The following TGFB3 variants were observed in gnomAD, a reference collection of about 807,000 sequenced individuals.
TGFB3 encodes the protein transforming growth factor beta 3.
A neutral mutation model predicts 40.1 loss-of-function variants in TGFB3; 5 were observed. The ratio of observed to expected loss-of-function variants is 0.12; its 90% CI spans 0.07 to 0.26. The LOEUF is 0.26. Ranked by LOEUF, TGFB3 falls within the 10% of genes least tolerant of loss-of-function variation. The pLI is 1.00. For synonymous variants in TGFB3, 184 were observed against 205.6 expected (o/e 0.89, Z 0.90); for missense variants, 373 against 530.1 (o/e 0.70, Z 2.91).
chr14:75,973,674 G>T (rs1425982798), intron 1 of TGFB3, among the ~76,000 whole-genome samples: 1 of 152,230 alleles, frequency 6.6e-6, no homozygotes, highest in Non-Finnish European at 1.5e-5. Flanking sequence ...TTGAGCTCGG[G>T]AGGTCCAGAT....
chr14:75,959,711 C>T (rs1041147439), intron 6 of TGFB3, among the ~76,000 whole-genome samples: 1 of 150,672 alleles, frequency 6.6e-6, no homozygotes, highest in Non-Finnish European at 1.5e-5. Flanking sequence ...GCAGAGGTTG[C>T]AGTAAGCAGA....
Position 75,972,021 on chromosome 14 carries a change from G to C in TGFB3, c.353-303C>G, listed in dbSNP as rs1004264503. ...TCAGTTCTGGTAAGTTTTCCAACCC[G>C]TTTTTCCTACTTTTTGAGAAAATAC... On this transcript the variant is annotated intron_variant, in intron 1 of 6. Transcript: ENST00000238682. Among the ~76,000 whole-genome samples, 3 of 152,164 alleles carry C rather than the reference G, an allele frequency of 2.0e-5. No homozygotes were observed. The South Asian group carries it at 6.2e-4, about 32-fold the overall frequency.
At chr14:75,974,922 CT>C (rs1342626624) in intron 1 of TGFB3, among the ~76,000 whole-genome samples, 7 of 152,106 alleles carry the variant, frequency 4.6e-5, no homozygotes, top group Admixed American at 1.3e-4. Context: ...GAAACCCCAT[CT>C]CTATAAAAAA....
rs117993887 is a variant in TGFB3, at chr14:75,975,660, G to T, written c.353-3942C>A. ...CAAAAAGTTAAATGTCTTTCCCAAGGTCACATAACTAGAAGGTGGTGGAGG... is the reference window on the plus strand; with the variant it reads ...CAAAAAGTTAAATGTCTTTCCCAAGTTCACATAACTAGAAGGTGGTGGAGG... On this transcript the variant is annotated intron_variant, in intron 1 of 6. Transcript: ENST00000238682. 8.8e-3 allele frequency among the ~76,000 whole-genome samples: 1,333 copies of T among 152,264 alleles called. 25 individuals are homozygous for T. The highest frequency in any genetic ancestry group is 9.4e-3 in the Non-Finnish European group (642 of 68,032).
chr14:75,959,056 G>T lies in TGFB3; in HGVS notation c.*131C>A. 1.8e-6 allele frequency: 2 copies of T among 1,100,152 alleles called. No individual in the cohort carries two copies. The highest frequency in any genetic ancestry group is 2.8e-6 in the Non-Finnish European group (2 of 723,510). 68.1% of individuals were successfully genotyped at this position (1,100,152 alleles called of 1,614,324 possible). ...GTTCCAAAAGGAAACCTCCATCTCA[G>T]CCATTTGCCCGGAGCCGAAGGTTGT... On this transcript the variant is annotated 3_prime_UTR_variant, in exon 7 of 7. Coordinates refer to ENST00000238682, the MANE Select transcript of TGFB3 (RefSeq NM_003239.5).
At chr14:75,973,227 G>A (rs2035314738) in intron 1 of TGFB3, among the ~76,000 whole-genome samples, 3 of 152,172 alleles carry the variant, frequency 2.0e-5, no homozygotes, top group Admixed American at 2.0e-4. Flanking sequence ...TAATCACCCC[G>A]AGGGGTTGTT....
rs1305657538 is a variant in TGFB3, at chr14:75,959,362, CAGTG to C, written c.1081-21_1081-18del. ...TCCCAGCACCTGGGAAGGGACATGT[CAGTG>C]AGAGGTTGGAAGGCCAAGTCTCAGG... On this transcript the variant is annotated intron_variant, in intron 6 of 6. Transcript: ENST00000238682. 1 of 1,613,622 alleles carries C rather than the reference CAGTG, an allele frequency of 6.2e-7. No individual in the cohort carries two copies. The highest frequency in any genetic ancestry group is 1.3e-5 in the African/African-American group (1 of 74,908).
At chr14:75,976,321 A>AT (rs1428147174) in intron 1 of TGFB3, among the ~76,000 whole-genome samples, 2 of 152,004 alleles carry the variant, frequency 1.3e-5, no homozygotes, top group Non-Finnish European at 2.9e-5. Flanking sequence ...TCCACGGCAT[A>AT]TTTTTTTCAA....
intron 4 of TGFB3, 43 bp downstream of exon 4, chr14:75,965,544 TC>T (rs34756930): frequency 9.9e-6 from 15 of 1,522,062 alleles, no homozygotes; most frequent in African/African-American, 4.1e-5. Flanking sequence ...CCCATTAACT[TC>T]CCCCCCACTC....
At chr14:75,960,096 C>T (rs1371392722) in intron 6 of TGFB3, among the ~76,000 whole-genome samples, 1 of 151,970 alleles carries the variant, frequency 6.6e-6, no homozygotes, top group Non-Finnish European at 1.5e-5. Flanking sequence ...GCGCGTGCCA[C>T]CACACCCGGC....
At position 75,971,651 on chromosome 14, in the gene TGFB3, C is replaced by T. The variant is rs878854609; in HGVS notation, c.420G>A (p.Glu140=). Reference sequence around the variant, plus strand: ...CTCGGAATAGGTTGGTTCTATTTTTCTCCACTGAGGACACATTGAAGCGGA... The same window carrying T: ...CTCGGAATAGGTTGGTTCTATTTTTTTCCACTGAGGACACATTGAAGCGGA... ...KVFRFNVSSV[E]KNRTNLFRAE... is the part of the protein sequence containing the mutation. Residue 140 remains glutamate (E), a synonymous_variant, in exon 2 of 7, where the codon GAG becomes GAA. Coordinates refer to ENST00000238682, the MANE Select transcript of TGFB3 (RefSeq NM_003239.5). The surrounding 1 kb of genome is among the most constrained non-coding windows in gnomAD (Gnocchi z 4.5). 6.2e-7 allele frequency: 1 copy of T among 1,614,132 alleles called. No individual in the cohort carries two copies. Among genetic ancestry groups the T allele is most frequent in the Non-Finnish European group, 8.5e-7 (1 of 1,180,056 alleles).
In TGFB3 at chr14:75,980,998, C is replaced by T. The variant is rs2035423861; in HGVS notation, c.-105G>A. 6.9e-6 allele frequency: 7 copies of T among 1,016,970 alleles called. No individual in the cohort carries two copies. The highest frequency in any genetic ancestry group is 1.1e-5 in the Non-Finnish European group (7 of 656,008). 63.0% of individuals were successfully genotyped at this position (1,016,970 alleles called of 1,614,324 possible). On this transcript the variant is annotated 5_prime_UTR_variant, in exon 1 of 7. Transcript: ENST00000238682. The surrounding 1 kb of genome is among the most constrained non-coding windows in gnomAD (Gnocchi z 4.3). ...GGAAAACCAGGCGGCCTCCCCAGATCCCAAAGACTGAGGCTTGGCAAGAAG... is the reference window on the plus strand; with the variant it reads ...GGAAAACCAGGCGGCCTCCCCAGATTCCAAAGACTGAGGCTTGGCAAGAAG...
chr14:75,977,032 A>G (rs1227403493), intron 1 of TGFB3, among the ~76,000 whole-genome samples: 1 of 152,224 alleles, frequency 6.6e-6, no homozygotes, highest in African/African-American at 2.4e-5. Context: ...CCTCTGGACC[A>G]CACTTGGAGA....
intron 3 of TGFB3, chr14:75,966,778 G>A (rs1183843799): frequency 6.6e-6 from 1 of 152,194 alleles, no homozygotes; most frequent in Non-Finnish European, 1.5e-5. Context: ...TGAGTGAAGT[G>A]AAGGAAAAAG....
rs763637430 is a variant in TGFB3 at position 75,959,072 on chromosome 14, C to T, written c.*115G>A. The T allele has an allele frequency of 8.7e-5, 118 of 1,362,390 alleles. No individual in the cohort carries two copies. Among genetic ancestry groups the T allele is most frequent in the Non-Finnish European group, 1.1e-4 (105 of 955,748 alleles). The allele number at this position is 1,362,390 out of a possible 1,614,324, so 84.4% of individuals were successfully genotyped here. A position where few individuals can be genotyped will look rare whatever the true frequency, so the allele number is the denominator to read the frequency against. Reference sequence around the variant, plus strand: ...TCCATCTCAGCCATTTGCCCGGAGCCGAAGGTTGTGGGCTCCAGGCCTCTC... The same window carrying T: ...TCCATCTCAGCCATTTGCCCGGAGCTGAAGGTTGTGGGCTCCAGGCCTCTC... On this transcript the variant is annotated 3_prime_UTR_variant, in exon 7 of 7. Transcript: ENST00000238682.
chr14:75,976,695 C>T (rs1177851346), intron 1 of TGFB3, among the ~76,000 whole-genome samples: 2 of 152,126 alleles, frequency 1.3e-5, no homozygotes, highest in African/African-American at 4.8e-5. Flanking sequence ...TGGCTGGGCA[C>T]GTGGGCTCCA....
chr14:75,965,901 G>A (rs2035215975), intron 3 of TGFB3: 1 of 591,482 alleles, frequency 1.7e-6, no homozygotes, highest in Non-Finnish European at 3.0e-6. Flanking sequence ...AGGTATTCCT[G>A]TTGTATTATG....
rs11466441 is a variant in TGFB3, at chr14:75,962,539, C to T, written c.926+777G>A. Among the ~76,000 whole-genome samples, 492 of 152,306 alleles carry T rather than the reference C, an allele frequency of 3.2e-3. 3 individuals are homozygous for T. Among genetic ancestry groups the T allele is most frequent in the African/African-American group, 0.011 (473 of 41,564 alleles). ...TCACTCACTCATGCTCCTTCCTTTA[C>T]CTGCAGTGCTTCCCCTCCTGGATCC... On this transcript the variant is annotated intron_variant, in intron 5 of 6. Transcript: ENST00000238682.
At position 75,979,702 on chromosome 14, in the gene TGFB3, C is replaced by T. The variant is rs4252318; in HGVS notation, c.352+840G>A. On this transcript the variant is annotated intron_variant, in intron 1 of 6. Transcript: ENST00000238682. This position sits in a 1 kb window ranked among gnomAD's most constrained non-coding sequence, Gnocchi z 4.8. The stretch of plus-strand genomic sequence containing the variant: ...CGGCAGGCTCCCAGACATATCCCCC[C>T]CCCCCACCATGCACCCACTGCCACC... 6.6e-6 allele frequency among the ~76,000 whole-genome samples: 1 copy of T among 150,416 alleles called. No homozygotes were observed. The highest frequency in any genetic ancestry group is 2.5e-5 in the African/African-American group (1 of 40,804).
Sources: allele counts gnomAD v4.1 joint callset (sites outside exome capture counted in the v4.1 genomes callset), GRCh38; gene constraint gnomAD v4.1.1; non-coding constraint Gnocchi (gnomAD v3.1); transcripts MANE v1.5; gene names NCBI Gene and HGNC (gene_info 2026-07-23, HGNC 2026-07-21).